PLCH1: variants seen among roughly 807,000 people sequenced by gnomAD.
PLCH1 encodes phospholipase C eta 1.
In PLCH1, 60 loss-of-function variants were observed where a neutral mutation model predicts 126.7. That is an observed-to-expected ratio of 0.47 (90% CI 0.38 to 0.59). The LOEUF (loss-of-function observed/expected upper bound fraction) is 0.59, where lower values mean the gene tolerates loss of function less well. Ranked by LOEUF, PLCH1 falls within the 20% of genes least tolerant of loss-of-function variation. The probability of loss-of-function intolerance (pLI) is 0.00; values close to 1 mark genes in which losing one functional copy is unlikely to be tolerated. For synonymous variants in PLCH1, 719 were observed against 734.9 expected (o/e 0.98, Z 0.35); for missense variants, 1,723 against 2,040.0 (o/e 0.84, Z 2.99).
Position 155,587,883 on chromosome 3 carries a change from AT to A in PLCH1, c.471-1690del, listed in dbSNP as rs573447231. On this transcript the variant is annotated intron_variant, in intron 4 of 22. Transcript: ENST00000460012. ...TACAAAAGGCAAGTACTGCGTGCAT[AT>A]TTAGAAAACCAATTAAACTTCAATA... 3.0e-3 allele frequency among the ~76,000 whole-genome samples: 452 copies of A among 152,320 alleles called. 2 individuals are homozygous for A. The highest frequency in any genetic ancestry group is 0.01 in the African/African-American group (422 of 41,572).
chr3:155,715,006 T>C (rs1395341167), intron 1 of PLCH1, among the ~76,000 whole-genome samples: 1 of 152,212 alleles, frequency 6.6e-6, no homozygotes, highest in Non-Finnish European at 1.5e-5. Flanking sequence ...GTTTATTTTA[T>C]TTATAAATTA....
At chr3:155,596,454 T>C in intron 2 of PLCH1, 76 bp from the exon 3 acceptor site, 1 of 1,263,806 alleles carries the variant, frequency 7.9e-7, no homozygotes, top group Non-Finnish European at 1.1e-6. Flanking sequence ...TAGAGTCAAA[T>C]AAAACCTCTG....
chr3:155,590,293 T>A (rs530806663), intron 4 of PLCH1, among the ~76,000 whole-genome samples: 6 of 152,188 alleles, frequency 3.9e-5, no homozygotes, highest in African/African-American at 1.2e-4. Flanking sequence ...TAAGATACTA[T>A]CTAGGCCAGG....
intron 2 of PLCH1, among the ~76,000 whole-genome samples, chr3:155,695,978 A>G (rs527244368): frequency 3.3e-5 from 5 of 152,284 alleles, no homozygotes; most frequent in Non-Finnish European, 7.3e-5. Flanking sequence ...TGCTCCACAC[A>G]TCTTGAGTCT....
intron 12 of PLCH1, among the ~76,000 whole-genome samples, chr3:155,514,054 G>A (rs1035400647): frequency 2.6e-5 from 4 of 152,132 alleles, no homozygotes; most frequent in African/African-American, 4.8e-5. Flanking sequence ...TGACACTGAT[G>A]GCATGATAGG....
chr3:155,619,836 G>C (rs1736240910), intron 2 of PLCH1, among the ~76,000 whole-genome samples: 1 of 150,860 alleles, frequency 6.6e-6, no homozygotes, highest in African/African-American at 2.4e-5. Context: ...TTCTATGGCA[G>C]ATGTTTTTGT....
intron 21 of PLCH1, among the ~76,000 whole-genome samples, chr3:155,463,037 T>TG (rs974319350): frequency 6.6e-6 from 1 of 152,246 alleles, no homozygotes; most frequent in African/African-American, 2.4e-5. Context: ...ATGGCTACTC[T>TG]GGAGACATCC....
intron 2 of PLCH1, among the ~76,000 whole-genome samples, chr3:155,691,421 T>TC (rs1178643747): frequency 6.6e-6 from 1 of 152,204 alleles, no homozygotes; most frequent in African/African-American, 2.4e-5. Context: ...CTCTTTGTGT[T>TC]CCCCTTAAGA....
intron 2 of PLCH1, among the ~76,000 whole-genome samples, chr3:155,638,256 G>T (rs948235741): frequency 1.3e-5 from 2 of 152,090 alleles, no homozygotes; most frequent in African/African-American, 4.8e-5. Flanking sequence ...CTCTTTGGAG[G>T]GGTCTCCCAC....
At chr3:155,511,258 T>G (rs1308026362) in intron 12 of PLCH1, among the ~76,000 whole-genome samples, 4 of 123,540 alleles carry the variant, frequency 3.2e-5, no homozygotes, top group Non-Finnish European at 6.4e-5. Flanking sequence ...TACATTCTTC[T>G]AAATTTTTTC....
intron 6 of PLCH1, among the ~76,000 whole-genome samples, chr3:155,580,038 C>T (rs1730458089): frequency 6.6e-6 from 1 of 152,064 alleles, no homozygotes; most frequent in East Asian, 1.9e-4. Flanking sequence ...AATTCAAAAA[C>T]AAACATGGAA....
chr3:155,574,128 TG>T (rs1172898902), intron 6 of PLCH1, among the ~76,000 whole-genome samples: 1 of 152,162 alleles, frequency 6.6e-6, no homozygotes, highest in Non-Finnish European at 1.5e-5. Flanking sequence ...TTGGCCAGGC[TG>T]GTCTCAAACT....
At chr3:155,558,786 A>T (rs1727167217) in intron 8 of PLCH1, among the ~76,000 whole-genome samples, 1 of 152,132 alleles carries the variant, frequency 6.6e-6, no homozygotes, top group Admixed American at 6.6e-5. Flanking sequence ...ACCATGGCTA[A>T]CTGAAACCAT....
chr3:155,571,611 T>C (rs1370293531), intron 6 of PLCH1, among the ~76,000 whole-genome samples: 3 of 152,120 alleles, frequency 2.0e-5, no homozygotes, highest in Admixed American at 6.5e-5. Flanking sequence ...GTTGGCCAGG[T>C]TGGTCTCGAA....
At chr3:155,663,702 G>A (rs1048911991) in intron 2 of PLCH1, among the ~76,000 whole-genome samples, 1 of 152,122 alleles carries the variant, frequency 6.6e-6, no homozygotes, top group African/African-American at 2.4e-5. Flanking sequence ...AATGCAAGAT[G>A]CATAACAGCT....
intron 22 of PLCH1, among the ~76,000 whole-genome samples, chr3:155,483,809 A>G (rs1240921728): frequency 6.6e-6 from 1 of 152,206 alleles, no homozygotes. Flanking sequence ...GTAATTTGGG[A>G]TAGCCCATCA....
At chr3:155,466,283 GGAGAGA>G (rs1271614454) in intron 21 of PLCH1, among the ~76,000 whole-genome samples, 1 of 152,044 alleles carries the variant, frequency 6.6e-6, no homozygotes, top group African/African-American at 2.4e-5. Flanking sequence ...TTAGAACAGA[GGAGAGA>G]GAGAGAGAAA....
chr3:155,706,652 C>T (rs548440568), intron 1 of PLCH1, among the ~76,000 whole-genome samples: 6 of 151,954 alleles, frequency 3.9e-5, no homozygotes, highest in African/African-American at 1.2e-4. Flanking sequence ...ATTATACATT[C>T]CTCCCCTCAA....
intron 1 of PLCH1, among the ~76,000 whole-genome samples, chr3:155,716,040 CA>C (rs925748468): frequency 1.3e-5 from 2 of 152,182 alleles, no homozygotes; most frequent in Admixed American, 1.3e-4. Context: ...CCCCAACCCC[CA>C]AGTTTTGACT....
Sources: allele counts gnomAD v4.1 joint callset (sites outside exome capture counted in the v4.1 genomes callset), GRCh38; gene constraint gnomAD v4.1.1; transcripts MANE v1.5; gene names NCBI Gene and HGNC (gene_info 2026-07-23, HGNC 2026-07-21).